COBL: variants seen among roughly 807,000 people sequenced by gnomAD.
The protein encoded by COBL is cordon-bleu WH2 repeat protein.
In COBL, 51 loss-of-function variants were observed where a neutral mutation model predicts 98.8. That is an observed-to-expected ratio of 0.52 (90% CI 0.41 to 0.65). The LOEUF is 0.65. Among genes scored for constraint, COBL ranks in the 30% least tolerant of loss-of-function variants. COBL has a pLI of 0.00. For missense variants in COBL, 1,617 were observed against 1,617.5 expected (o/e 1.00, Z 0.01); for synonymous variants, 634 against 651.7 (o/e 0.97, Z 0.41).
At chr7:51,216,461 G>GCA (rs1181727157) in intron 2 of COBL, among the ~76,000 whole-genome samples, 1 of 152,150 alleles carries the variant, frequency 6.6e-6, no homozygotes, top group Non-Finnish European at 1.5e-5. Flanking sequence ...ATGAGCCACT[G>GCA]CACCTGACCA....
chr7:51,099,927 G>C (rs1335980748), intron 6 of COBL, among the ~76,000 whole-genome samples: 1 of 152,136 alleles, frequency 6.6e-6, no homozygotes, highest in African/African-American at 2.4e-5. Context: ...TCTAGGCCTA[G>C]AGGCTGGTGT....
chr7:51,230,690 T>C (rs541300757), intron 1 of COBL, among the ~76,000 whole-genome samples: 1 of 152,368 alleles, frequency 6.6e-6, no homozygotes, highest in African/African-American at 2.4e-5. Context: ...TTCTTCCTAA[T>C]GCAAACACGT....
At chr7:51,243,232 G>A (rs931137407) in intron 1 of COBL, among the ~76,000 whole-genome samples, 1 of 152,302 alleles carries the variant, frequency 6.6e-6, no homozygotes, top group African/African-American at 2.4e-5. Context: ...TTGTGGCCTC[G>A]CTGCACTGAT....
intron 5 of COBL, among the ~76,000 whole-genome samples, chr7:51,153,841 C>T (rs1027040321): frequency 5.9e-5 from 9 of 152,148 alleles, no homozygotes; most frequent in African/African-American, 1.7e-4. Context: ...GGCCAGCTAA[C>T]GTTTTTATTT....
intron 1 of COBL, among the ~76,000 whole-genome samples, chr7:51,227,450 T>C (rs1273658877): frequency 1.3e-5 from 2 of 152,050 alleles, no homozygotes; most frequent in Non-Finnish European, 2.9e-5. Context: ...ACCTTTAGGG[T>C]CAGGTACTTC....
chr7:51,230,303 T>C (rs1794626264), intron 1 of COBL, among the ~76,000 whole-genome samples: 1 of 152,140 alleles, frequency 6.6e-6, no homozygotes, highest in Admixed American at 6.5e-5. Context: ...CACCACTGCC[T>C]CTCCTGCCTC....
At chr7:51,196,105 G>C (rs533812377) in intron 2 of COBL, among the ~76,000 whole-genome samples, 1 of 152,062 alleles carries the variant, frequency 6.6e-6, no homozygotes. Flanking sequence ...TCCAGCTTTT[G>C]CCCATTCAGT....
chr7:51,093,767 GCCTGTAATTTCAGCT>G (rs1379756063), intron 6 of COBL, among the ~76,000 whole-genome samples: 5 of 152,020 alleles, frequency 3.3e-5, no homozygotes, highest in African/African-American at 9.7e-5. Context: ...GGTGGCATGT[GCCTGTAATTTCAGCT>G]ACTCAGGAGG....
chr7:51,196,868 G>T (rs1584134491), intron 2 of COBL, among the ~76,000 whole-genome samples: 1 of 151,802 alleles, frequency 6.6e-6, no homozygotes, highest in African/African-American at 2.4e-5. Flanking sequence ...GGTCAGTGGT[G>T]ACACCTCACT....
chr7:51,139,724 C>T (rs10481027), intron 5 of COBL, among the ~76,000 whole-genome samples: 5,313 of 152,228 alleles, frequency 0.035, 306 homozygotes, highest in African/African-American at 0.12. Context: ...GGAATTTGTG[C>T]GCAGAATTTA....
chr7:51,261,498 AAC>A (rs1453273714), intron 1 of COBL, among the ~76,000 whole-genome samples: 1 of 152,232 alleles, frequency 6.6e-6, no homozygotes, highest in East Asian at 1.9e-4. Flanking sequence ...GCTACTGCGA[AAC>A]ACAAAACACC....
chr7:51,229,071 C>T (rs1354007434), intron 1 of COBL, among the ~76,000 whole-genome samples: 1 of 152,150 alleles, frequency 6.6e-6, no homozygotes, highest in Non-Finnish European at 1.5e-5. Context: ...TTTGCTTTGC[C>T]CCCTAAAAGG....
chr7:51,128,465 A>G (rs180971949), intron 6 of COBL, among the ~76,000 whole-genome samples: 1 of 152,190 alleles, frequency 6.6e-6, no homozygotes, highest in African/African-American at 2.4e-5. Flanking sequence ...GATAGCTAAG[A>G]GAAAAAAAAT....
At chr7:51,211,113 T>C (rs1792380154) in intron 2 of COBL, among the ~76,000 whole-genome samples, 1 of 152,220 alleles carries the variant, frequency 6.6e-6, no homozygotes, top group South Asian at 2.1e-4. Flanking sequence ...ACTGTGCCAC[T>C]GGGCCATGGG....
At chr7:51,217,880 G>T (rs1793238070) in intron 2 of COBL, among the ~76,000 whole-genome samples, 1 of 152,244 alleles carries the variant, frequency 6.6e-6, no homozygotes, top group African/African-American at 2.4e-5. Context: ...TCTCCACTGT[G>T]CATGAACCCT....
chr7:51,191,358 T>C (rs574013143), intron 3 of COBL, among the ~76,000 whole-genome samples: 2 of 152,170 alleles, frequency 1.3e-5, no homozygotes, highest in African/African-American at 4.8e-5. Flanking sequence ...CCAACACATA[T>C]ACTTTACTGT....
intron 5 of COBL, chr7:51,172,562 C>T (rs1374504173): frequency 7.9e-7 from 1 of 1,272,060 alleles, no homozygotes; most frequent in African/African-American, 1.5e-5. Context: ...ACATCATCTC[C>T]AGGTGAAAGT....
chr7:51,202,280 T>G (rs1289471165), intron 2 of COBL, among the ~76,000 whole-genome samples: 1 of 152,158 alleles, frequency 6.6e-6, no homozygotes, highest in Non-Finnish European at 1.5e-5. Context: ...CCTAAAATTG[T>G]GAAGAAGAAA....
intron 6 of COBL, among the ~76,000 whole-genome samples, chr7:51,086,706 A>G (rs1241901917): frequency 6.6e-6 from 1 of 152,128 alleles, no homozygotes; most frequent in Non-Finnish European, 1.5e-5. Flanking sequence ...TTTATTGCAA[A>G]AAAGTTAAAA....
Sources: gnomAD v4.1 joint callset for allele counts (sites outside exome capture counted in the v4.1 genomes callset) on GRCh38, gnomAD v4.1.1 for gene constraint, MANE v1.5 for transcripts, NCBI Gene and HGNC (gene_info 2026-07-23, HGNC 2026-07-21) for gene names.